The following PIK3R5 variants were observed in gnomAD, a reference collection of about 807,000 sequenced individuals.
The protein encoded by PIK3R5 is phosphoinositide-3-kinase regulatory subunit 5.
A neutral mutation model predicts 94.9 loss-of-function variants in PIK3R5; 32 were observed. That is an observed-to-expected ratio of 0.34 (90% CI 0.25 to 0.45). PIK3R5 has a LOEUF of 0.45. Among genes scored for constraint, PIK3R5 ranks in the 20% least tolerant of loss-of-function variants. The pLI is 1.00. For missense variants in PIK3R5, 853 were observed against 1,144.6 expected (o/e 0.75, Z 3.68); for synonymous variants, 443 against 479.4 (o/e 0.92, Z 0.99).
rs6145982 is a variant in PIK3R5 at position 8,911,788 on chromosome 17, G to GACCTGCCTTGCC, written c.-13-282_-13-281insGGCAAGGCAGGT. 148,832 of 285,666 alleles carry GACCTGCCTTGCC rather than the reference G, an allele frequency of 0.52. 40,326 individuals carry two copies. The highest frequency in any genetic ancestry group is 0.67 in the African/African-American group (30,353 of 45,582). 17.7% of individuals were successfully genotyped at this position (285,666 alleles called of 1,614,324 possible). On this transcript the variant is annotated intron_variant, in intron 1 of 18. Coordinates refer to ENST00000447110, the MANE Select transcript of PIK3R5 (RefSeq NM_001142633.3). This position sits in a 1 kb window ranked among gnomAD's most constrained non-coding sequence, Gnocchi z 5.3. Reference sequence around the variant, plus strand: ...GAATGGGAGCAGAGAGGTGGAAAGGGCACTGGGCAGTGGGAAGTGTCGCCA... The same window carrying GACCTGCCTTGCC: ...GAATGGGAGCAGAGAGGTGGAAAGGGACCTGCCTTGCCCACTGGGCAGTGGGAAGTGTCGCCA...
rs2091251293 is a variant in PIK3R5 at position 8,945,146 on chromosome 17, C to T, written c.-14+20450G>A. On this transcript the variant is annotated intron_variant, in intron 1 of 18. Transcript: ENST00000447110. The surrounding 1 kb of genome is among the most constrained non-coding windows in gnomAD (Gnocchi z 4.0). The stretch of plus-strand genomic sequence containing the variant: ...CTAGCCAAACCCTGGCTCGGCCCCT[C>T]ACCCCACTTCGAAGAGGGGATCTAC... 6.6e-6 allele frequency among the ~76,000 whole-genome samples: 1 copy of T among 152,138 alleles called. No individual in the cohort carries two copies. Among genetic ancestry groups the T allele is most frequent in the African/African-American group, 2.4e-5 (1 of 41,402 alleles).
intron 1 of PIK3R5, among the ~76,000 whole-genome samples, chr17:8,948,666 C>T (rs1163189956): frequency 6.6e-6 from 1 of 152,174 alleles, no homozygotes; most frequent in Admixed American, 6.5e-5. Flanking sequence ...CAAAAAAAAG[C>T]ACTGTTGTGA....
In PIK3R5 at chr17:8,881,144, G is replaced by C; in HGVS notation, c.2383-127C>G. On this transcript the variant is annotated intron_variant, in intron 17 of 18. Coordinates refer to ENST00000447110, the MANE Select transcript of PIK3R5 (RefSeq NM_001142633.3). This position sits in a 1 kb window ranked among gnomAD's most constrained non-coding sequence, Gnocchi z 4.8. ...TGGGAGGGCAGGGGTTTGTCTGACT[G>C]CGCTCCAGGGTTAATGGCCAGGTCA... 1.4e-6 allele frequency: 1 copy of C among 722,154 alleles called. No homozygotes were observed. The highest frequency in any genetic ancestry group is 1.7e-5 in the African/African-American group (1 of 57,862). The allele number at this position is 722,154 out of a possible 1,614,324, so 44.7% of individuals were successfully genotyped here. A position where few individuals can be genotyped will look rare whatever the true frequency, so the allele number is the denominator to read the frequency against.
At chr17:8,891,354 C>T (rs1273201472) in intron 6 of PIK3R5, among the ~76,000 whole-genome samples, 1 of 151,990 alleles carries the variant, frequency 6.6e-6, no homozygotes, top group African/African-American at 2.4e-5. Flanking sequence ...CTGGGGCGAG[C>T]GGGACATGAA....
intron 5 of PIK3R5, among the ~76,000 whole-genome samples, chr17:8,894,828 T>C (rs1383749859): frequency 7.2e-6 from 1 of 138,962 alleles, no homozygotes; most frequent in East Asian, 2.1e-4. Context: ...GAACTGGGAC[T>C]GAGCTGGGAA....
intron 5 of PIK3R5, among the ~76,000 whole-genome samples, chr17:8,899,919 T>A (rs1169280697): frequency 6.6e-6 from 1 of 151,976 alleles, no homozygotes; most frequent in East Asian, 1.9e-4. Context: ...ACGCCTGTAG[T>A]CCCAGCTACT....
At position 8,945,138 on chromosome 17, in the gene PIK3R5, C is replaced by T. The variant is rs1053546152; in HGVS notation, c.-14+20458G>A. Among the ~76,000 whole-genome samples the T allele has an allele frequency of 1.3e-5, 2 of 152,136 alleles. No homozygotes were observed. Among genetic ancestry groups the T allele is most frequent in the Non-Finnish European group, 2.9e-5 (2 of 68,014 alleles). On this transcript the variant is annotated intron_variant, in intron 1 of 18. Transcript: ENST00000447110. The surrounding 1 kb of genome is among the most constrained non-coding windows in gnomAD (Gnocchi z 4.0). ...GCAGGCTTCTAGCCAAACCCTGGCT[C>T]GGCCCCTCACCCCACTTCGAAGAGG...
chr17:8,944,439 C>G (rs1231643162), intron 1 of PIK3R5, among the ~76,000 whole-genome samples: 1 of 152,210 alleles, frequency 6.6e-6, no homozygotes, highest in East Asian at 1.9e-4. Context: ...ATTTCTCAAA[C>G]AGGGAACATA....
chr17:8,894,286 A>C (rs9944455), intron 5 of PIK3R5, among the ~76,000 whole-genome samples: 4,200 of 152,258 alleles, frequency 0.028, 205 homozygotes, highest in African/African-American at 0.096. Flanking sequence ...CTTGTGCCGC[A>C]GGGCTACTCC....
rs111812823 is a variant in PIK3R5, at chr17:8,881,370, C to T, written c.2382+260G>A. ...ACCCCACAACTTTTCCACATACACG[C>T]GTCCTCTCACAGGGCACCCCTACCT... On this transcript the variant is annotated intron_variant, in intron 17 of 18. Transcript: ENST00000447110. This position sits in a 1 kb window ranked among gnomAD's most constrained non-coding sequence, Gnocchi z 4.8. Among the ~76,000 whole-genome samples the T allele has an allele frequency of 6.6e-4, 100 of 152,180 alleles. No homozygotes were observed. The highest frequency in any genetic ancestry group is 1.8e-3 in the African/African-American group (75 of 41,504).
At chr17:8,934,978 T>A (rs533050991) in intron 1 of PIK3R5, among the ~76,000 whole-genome samples, 1 of 152,204 alleles carries the variant, frequency 6.6e-6, no homozygotes, top group Non-Finnish European at 1.5e-5. Context: ...AACTTCTTCC[T>A]GCATGTGCTG....
intron 1 of PIK3R5, among the ~76,000 whole-genome samples, chr17:8,942,189 G>A (rs1317592672): frequency 1.3e-5 from 2 of 152,086 alleles, no homozygotes; most frequent in Non-Finnish European, 2.9e-5. Flanking sequence ...TAGAGGGAAG[G>A]GCAGACCCTC....
At position 8,955,891 on chromosome 17, in the gene PIK3R5, G is replaced by A. The variant is rs760005689; in HGVS notation, c.-14+9705C>T. Among the ~76,000 whole-genome samples the A allele has an allele frequency of 2.6e-5, 4 of 152,162 alleles. No individual in the cohort carries two copies. The highest frequency in any genetic ancestry group is 6.5e-5 in the Admixed American group (1 of 15,270). On this transcript the variant is annotated intron_variant, in intron 1 of 18. Coordinates refer to ENST00000447110, the MANE Select transcript of PIK3R5 (RefSeq NM_001142633.3). The surrounding 1 kb of genome is among the most constrained non-coding windows in gnomAD (Gnocchi z 4.4). Reference sequence around the variant, plus strand: ...TGCTCAAGTTGAAATAGGGCATCAAGTGAAAATAACCCGCATGTACTTGGA... The same window carrying A: ...TGCTCAAGTTGAAATAGGGCATCAAATGAAAATAACCCGCATGTACTTGGA...
At chr17:8,919,326 T>C (rs558880920) in intron 1 of PIK3R5, among the ~76,000 whole-genome samples, 89 of 152,248 alleles carry the variant, frequency 5.8e-4, no homozygotes, top group Non-Finnish European at 7.9e-4. Flanking sequence ...TATATTTACA[T>C]AGCCTTATGC....
chr17:8,887,405 G>C (rs931818132), intron 11 of PIK3R5, 116 bp downstream of exon 11: 13 of 1,327,966 alleles, frequency 9.8e-6, no homozygotes, highest in Non-Finnish European at 1.2e-5. Flanking sequence ...GTGAGGGCCA[G>C]GCAGGGGGAG....
chr17:8,961,496 G>A (rs1390659604), intron 1 of PIK3R5, among the ~76,000 whole-genome samples: 18 of 152,122 alleles, frequency 1.2e-4, no homozygotes, highest in African/African-American at 3.4e-4. Context: ...TTAGCCAGGC[G>A]TGGAAGCGGG....
chr17:8,909,146 C>T lies in PIK3R5; in HGVS notation c.132G>A (p.Leu44=), dbSNP rs1401168620. 1.7e-5 allele frequency: 28 copies of T among 1,604,028 alleles called. No individual in the cohort carries two copies. The highest frequency in any genetic ancestry group is 2.2e-5 in the Non-Finnish European group (26 of 1,174,802). Residue 44 remains leucine, a synonymous_variant, in exon 3 of 19, where the codon CTG becomes CTA. Transcript: ENST00000447110. This position sits in a 1 kb window ranked among gnomAD's most constrained non-coding sequence, Gnocchi z 4.3. ...SAGLCLNCWS[L]QELVSRDPGH... is the part of the protein sequence containing the mutation. ...CCGGGTCCCTGCTGACCAGCTCCTG[C>T]AGGCTCCAGCAGTTCAGACACAGCC... is the stretch of plus-strand genomic sequence containing the variant.
chr17:8,962,176 G>C lies in PIK3R5; in HGVS notation c.-14+3420C>G, dbSNP rs114156014. On this transcript the variant is annotated intron_variant, in intron 1 of 18. Coordinates refer to ENST00000447110, the MANE Select transcript of PIK3R5 (RefSeq NM_001142633.3). ...CCTCGGTTTTCTCATATGTGAAATG[G>C]GGGCAATAATTGTAGCTACCTCAGA... 7.3e-3 allele frequency among the ~76,000 whole-genome samples: 1,104 copies of C among 152,266 alleles called. 17 individuals are homozygous for C. The highest frequency in any genetic ancestry group is 0.025 in the African/African-American group (1,039 of 41,538).
intron 1 of PIK3R5, among the ~76,000 whole-genome samples, chr17:8,921,809 C>G (rs1283449422): frequency 6.6e-6 from 1 of 152,016 alleles, no homozygotes; most frequent in African/African-American, 2.4e-5. Context: ...ATGTAAAGTG[C>G]TAAAACTATA....
Sources: allele counts gnomAD v4.1 joint callset (sites outside exome capture counted in the v4.1 genomes callset), GRCh38; gene constraint gnomAD v4.1.1; non-coding constraint Gnocchi (gnomAD v3.1); transcripts MANE v1.5; gene names NCBI Gene and HGNC (gene_info 2026-07-23, HGNC 2026-07-21).